The following DHX35 variants were observed in gnomAD, a reference collection of about 807,000 sequenced individuals.
The protein encoded by DHX35 is DEAH-box helicase 35.
A neutral mutation model predicts 99.6 loss-of-function variants in DHX35; 84 were observed. The ratio of observed to expected loss-of-function variants is 0.84; its 90% CI spans 0.71 to 1.01. The LOEUF is 1.01. Among genes scored for constraint, DHX35 ranks in the 50% least tolerant of loss-of-function variants. The probability of loss-of-function intolerance (pLI) is 0.00; values close to 1 mark genes in which losing one functional copy is unlikely to be tolerated. For missense variants in DHX35, 852 were observed against 888.5 expected (o/e 0.96, Z 0.52); for synonymous variants, 331 against 316.2 (o/e 1.05, Z -0.50).
rs1358208746 is a variant in DHX35, at chr20:38,972,611, T to C, written c.227T>C (p.Val76Ala). 2 of 1,613,072 alleles carry C rather than the reference T, an allele frequency of 1.2e-6. No individual in the cohort carries two copies. Among genetic ancestry groups the C allele is most frequent in the Admixed American group, 1.7e-5 (1 of 60,014 alleles). Residue 76 changes from valine (V) to alanine (A), a missense_variant, in exon 3 of 22, where the codon GTT becomes GCT. Transcript: ENST00000252011. ...LIENYQTVVI[V>A]GETGCGKSTQ... Reference sequence around the variant, plus strand: ...GAAAATTATCAGACAGTGGTGATTGTTGGTGAAACAGGATGTGGGAAGAGC... The same window carrying C: ...GAAAATTATCAGACAGTGGTGATTGCTGGTGAAACAGGATGTGGGAAGAGC...
At chr20:39,015,015 T>C in intron 14 of DHX35, 81 bp downstream of exon 14, 1 of 1,508,758 alleles carries the variant, frequency 6.6e-7, no homozygotes, top group Non-Finnish European at 9.2e-7. Flanking sequence ...ACTTTAGGGA[T>C]TTTAGTATCT....
chr20:39,038,544 G>C lies in DHX35; in HGVS notation c.*1G>C. On this transcript the variant is annotated 3_prime_UTR_variant, in exon 22 of 22. Coordinates refer to ENST00000252011, the MANE Select transcript of DHX35 (RefSeq NM_021931.4). ...AAGGGCCAAGGTCCAGGACCCGTGA[G>C]AGGAGCCCACAGCTACAGCTGCAGG... The C allele has an allele frequency of 6.2e-7, 1 of 1,611,952 alleles. No homozygotes were observed. Among genetic ancestry groups the C allele is most frequent in the South Asian group, 1.1e-5 (1 of 91,014 alleles).
intron 5 of DHX35, among the ~76,000 whole-genome samples, chr20:38,989,684 G>A (rs929981026): frequency 9.9e-5 from 15 of 152,110 alleles, no homozygotes; most frequent in African/African-American, 3.1e-4. Flanking sequence ...AGTTGATGAA[G>A]TGTAGAATTC....
intron 3 of DHX35, among the ~76,000 whole-genome samples, chr20:38,976,501 T>G (rs2086080645): frequency 6.6e-6 from 1 of 152,118 alleles, no homozygotes; most frequent in African/African-American, 2.4e-5. Flanking sequence ...TTTATGGGAT[T>G]TAGTGTAATG....
intron 18 of DHX35, among the ~76,000 whole-genome samples, chr20:39,025,918 G>A (rs1401809464): frequency 6.6e-6 from 1 of 152,110 alleles, no homozygotes; most frequent in Non-Finnish European, 1.5e-5. Flanking sequence ...GCTCAATCTC[G>A]CACTCTGTGA....
chr20:39,031,667 A>G (rs1357400125), intron 20 of DHX35, among the ~76,000 whole-genome samples: 1 of 152,206 alleles, frequency 6.6e-6, no homozygotes, highest in East Asian at 1.9e-4. Context: ...AGGGACAGAC[A>G]CAGAGTCAAC....
chr20:38,976,359 T>C (rs567227902), intron 3 of DHX35, among the ~76,000 whole-genome samples: 1 of 151,890 alleles, frequency 6.6e-6, no homozygotes, highest in Admixed American at 6.6e-5. Flanking sequence ...TGTGTGTGTA[T>C]GCACATATAT....
At chr20:39,031,570 C>T (rs1358408436) in intron 20 of DHX35, among the ~76,000 whole-genome samples, 1 of 152,142 alleles carries the variant, frequency 6.6e-6, no homozygotes, top group African/African-American at 2.4e-5. Context: ...CTCCTGACCT[C>T]AGGTGATCCA....
rs1250257609 is a variant in DHX35, at chr20:38,985,212, GTC to G, written c.345+1440_345+1441del. ...AGCCTGGGCAACATAGCAAGACCCT[GTC>G]TCTACAAAACAATTTTTAAAAAAAT... On this transcript the variant is annotated intron_variant, in intron 4 of 21. Coordinates refer to ENST00000252011, the MANE Select transcript of DHX35 (RefSeq NM_021931.4). 2.6e-5 allele frequency among the ~76,000 whole-genome samples: 4 copies of G among 151,980 alleles called. 1 individual carries two copies. Among genetic ancestry groups the G allele is most frequent in the Non-Finnish European group, 5.9e-5 (4 of 67,980 alleles).
At chr20:39,008,087 G>A (rs2086647456) in intron 12 of DHX35, among the ~76,000 whole-genome samples, 1 of 152,172 alleles carries the variant, frequency 6.6e-6, no homozygotes, top group African/African-American at 2.4e-5. Flanking sequence ...TCACCAACCT[G>A]TGTTCTTCTC....
At chr20:39,031,829 G>T (rs1198652138) in intron 20 of DHX35, among the ~76,000 whole-genome samples, 2 of 152,188 alleles carry the variant, frequency 1.3e-5, no homozygotes, top group African/African-American at 4.8e-5. Context: ...GACCCGGAGG[G>T]TATTCTAGGT....
chr20:39,020,535 T>A (rs2086856875), intron 15 of DHX35, among the ~76,000 whole-genome samples: 1 of 152,210 alleles, frequency 6.6e-6, no homozygotes, highest in Non-Finnish European at 1.5e-5. Context: ...CTTGGTTTTG[T>A]CTAACTTTTA....
chr20:38,993,481 T>C (rs1184447398), intron 7 of DHX35, among the ~76,000 whole-genome samples: 1 of 152,110 alleles, frequency 6.6e-6, no homozygotes. Flanking sequence ...TGCCTCAGCC[T>C]TCCCGAGTAG....
intron 3 of DHX35, among the ~76,000 whole-genome samples, chr20:38,973,916 A>G (rs1306047388): frequency 6.6e-6 from 1 of 152,176 alleles, no homozygotes; most frequent in Non-Finnish European, 1.5e-5. Context: ...ATTCCACTCT[A>G]TGAGTATTCT....
chr20:38,983,701 C>T lies in DHX35; in HGVS notation c.270C>T (p.Tyr90=). 1.2e-6 allele frequency: 2 copies of T among 1,613,914 alleles called. No homozygotes were observed. The highest frequency in any genetic ancestry group is 1.7e-6 in the Non-Finnish European group (2 of 1,179,906). The change falls in exon 4 of 22, where the codon TAC becomes TAT. Residue 90 remains tyrosine (Y), a splice_region_variant and synonymous_variant. Coordinates refer to ENST00000252011, the MANE Select transcript of DHX35 (RefSeq NM_021931.4). The part of the protein sequence containing the change: ...GCGKSTQIPQ[Y]LAEAGWTAEG... ...CTTAGATGTGATTTTGTTTGTAGTA[C>T]CTTGCAGAAGCCGGCTGGACAGCTG...
intron 13 of DHX35, 83 bp downstream of exon 13, chr20:39,010,487 A>G (rs148064954): frequency 1.9e-6 from 3 of 1,550,752 alleles, no homozygotes; most frequent in East Asian, 4.6e-5. Context: ...AGGGCATGCC[A>G]TCTTTCCTTT....
intron 3 of DHX35, among the ~76,000 whole-genome samples, chr20:38,975,451 T>C (rs2086061763): frequency 6.6e-6 from 1 of 152,238 alleles, no homozygotes; most frequent in African/African-American, 2.4e-5. Context: ...TTTACACATG[T>C]TGATCTGTTT....
At chr20:39,032,372 G>A (rs780208274) in intron 20 of DHX35, among the ~76,000 whole-genome samples, 8 of 152,048 alleles carry the variant, frequency 5.3e-5, no homozygotes, top group Non-Finnish European at 7.4e-5. Context: ...GGGTTTTGCC[G>A]TGTTGGCCAG....
At chr20:39,031,176 G>A (rs2087044194) in intron 20 of DHX35, among the ~76,000 whole-genome samples, 1 of 151,608 alleles carries the variant, frequency 6.6e-6, no homozygotes, top group African/African-American at 2.4e-5. Context: ...AAAAAAAAGA[G>A]AATTTCTGCT....
Sources: allele counts gnomAD v4.1 joint callset (sites outside exome capture counted in the v4.1 genomes callset), GRCh38; gene constraint gnomAD v4.1.1; transcripts MANE v1.5; gene names NCBI Gene and HGNC (gene_info 2026-07-23, HGNC 2026-07-21).